Variants in COBLL1 observed in about 807,000 individuals in gnomAD.
COBLL1 encodes the protein cordon-bleu WH2 repeat protein like 1, also known as cordon-bleu protein-like 1.
COBLL1 carries 50 observed loss-of-function variants against 94.8 expected under a neutral mutation model. The ratio of observed to expected loss-of-function variants is 0.53; its 90% CI spans 0.42 to 0.67. The LOEUF (loss-of-function observed/expected upper bound fraction) is 0.67. COBLL1 is among the 30% of genes least tolerant of loss of function. COBLL1 has a pLI of 0.00. For missense variants in COBLL1, 1,362 were observed against 1,348.7 expected (o/e 1.01, Z -0.15); for synonymous variants, 448 against 473.8 (o/e 0.95, Z 0.71).
intron 3 of COBLL1, among the ~76,000 whole-genome samples, chr2:164,737,236 A>AG (rs1686354015): frequency 1.3e-5 from 2 of 152,250 alleles, no homozygotes; most frequent in South Asian, 4.1e-4. Context: ...TGTAGACGCC[A>AG]GGAAAGCAAA....
chr2:164,677,433 A>C (rs1486467859), downstream of COBLL1, among the ~76,000 whole-genome samples: 1 of 152,176 alleles, frequency 6.6e-6, no homozygotes, highest in Non-Finnish European at 1.5e-5. Context: ...GTAATTGAGG[A>C]AAGTTTAAAA....
chr2:164,749,331 G>A (rs1432073839), intron 2 of COBLL1, among the ~76,000 whole-genome samples: 2 of 152,122 alleles, frequency 1.3e-5, no homozygotes, highest in Non-Finnish European at 2.9e-5. Context: ...AAAAATATGA[G>A]TGAATTCTCA....
At chr2:164,676,033 T>C (rs1382060932), downstream of COBLL1, among the ~76,000 whole-genome samples, 1 of 152,084 alleles carries the variant, frequency 6.6e-6, no homozygotes, top group Non-Finnish European at 1.5e-5. Context: ...ATAAATAGAG[T>C]ACAGGGATTA....
intron 2 of COBLL1, among the ~76,000 whole-genome samples, chr2:164,747,524 C>G (rs1275436975): frequency 6.6e-6 from 1 of 152,120 alleles, no homozygotes; most frequent in Admixed American, 6.5e-5. Flanking sequence ...GGCTCTGTCA[C>G]CTAGGCTGGA....
chr2:164,668,434 CAA>C (rs1017958962), intron 1 of COBLL1, among the ~76,000 whole-genome samples: 16 of 152,140 alleles, frequency 1.1e-4, no homozygotes, highest in East Asian at 5.8e-4. Flanking sequence ...CCTGAGGAGA[CAA>C]GAGAGATGGG....
intron 2 of COBLL1, among the ~76,000 whole-genome samples, chr2:164,781,810 T>A (rs1688735652): frequency 2.0e-5 from 3 of 152,254 alleles, no homozygotes; most frequent in Admixed American, 2.0e-4. Flanking sequence ...AGAAACCACA[T>A]ACACAGAGAA....
chr2:164,841,683 C>T lies in COBLL1; in HGVS notation c.-51+27G>A. On this transcript the variant is annotated intron_variant, in intron 1 of 13. Transcript: ENST00000652658. This position sits in a 1 kb window ranked among gnomAD's most constrained non-coding sequence, Gnocchi z 5.5. ...CCGAAGAGAAGTTGGGAGGGCTGATCTCTCTTTTCCCACCCAAGGCTCCTA... is the reference window on the plus strand; with the variant it reads ...CCGAAGAGAAGTTGGGAGGGCTGATTTCTCTTTTCCCACCCAAGGCTCCTA... The T allele has an allele frequency of 2.5e-6, 1 of 406,786 alleles. No homozygotes were observed. Among genetic ancestry groups the T allele is most frequent in the Non-Finnish European group, 4.3e-6 (1 of 230,376 alleles). 25.2% of individuals were successfully genotyped at this position (406,786 alleles called of 1,614,324 possible).
intron 2 of COBLL1, among the ~76,000 whole-genome samples, chr2:164,776,771 T>C (rs1176602914): frequency 6.6e-6 from 1 of 152,104 alleles, no homozygotes; most frequent in African/African-American, 2.4e-5. Context: ...CTTTTTAATT[T>C]GATCACTTAA....
At chr2:164,790,920 C>A (rs955930701) in intron 2 of COBLL1, among the ~76,000 whole-genome samples, 4 of 152,130 alleles carry the variant, frequency 2.6e-5, no homozygotes, top group Admixed American at 2.0e-4. Flanking sequence ...AAGAACAATC[C>A]GTTGCACACT....
chr2:164,723,101 T>C (rs1463500290), intron 5 of COBLL1: 2 of 152,226 alleles, frequency 1.3e-5, no homozygotes, highest in Non-Finnish European at 2.9e-5. Flanking sequence ...ATTGCCACCA[T>C]TGGCAATGAG....
At chr2:164,818,046 C>T (rs574176280) in intron 2 of COBLL1, among the ~76,000 whole-genome samples, 219 of 151,776 alleles carry the variant, frequency 1.4e-3, no homozygotes, top group African/African-American at 5.1e-3. Context: ...AGATATCAAT[C>T]CTTATTCCAC....
At chr2:164,799,482 C>G (rs1683650398) in intron 2 of COBLL1, among the ~76,000 whole-genome samples, 1 of 152,160 alleles carries the variant, frequency 6.6e-6, no homozygotes, top group Non-Finnish European at 1.5e-5. Flanking sequence ...AATTCAGAGG[C>G]ATATCCTGTT....
intron 11 of COBLL1, chr2:164,697,098 T>C (rs1683989823): frequency 6.6e-6 from 1 of 152,186 alleles, no homozygotes; most frequent in African/African-American, 2.4e-5. Flanking sequence ...CAGAAAAATA[T>C]CATGTTAGGT....
chr2:164,667,218 G>A (rs115687819), intron 1 of COBLL1, among the ~76,000 whole-genome samples: 4 of 151,990 alleles, frequency 2.6e-5, no homozygotes, highest in South Asian at 4.2e-4. Context: ...TGATGTCAAC[G>A]GTGGGCTTAA....
rs7586626 is a variant in COBLL1 at position 164,659,324 on chromosome 2, A to C, written n.182-5410T>G. ...GGAACTTCCATCAGTATACAAGTTGAGGTCAGGATCAGTTAAGGGAAACAC... is the reference window on the plus strand; with the variant it reads ...GGAACTTCCATCAGTATACAAGTTGCGGTCAGGATCAGTTAAGGGAAACAC... On this transcript the variant is annotated intron_variant and non_coding_transcript_variant, in intron 2 of 2. Transcript: ENST00000495084. Among the ~76,000 whole-genome samples, 818 of 152,306 alleles carry C rather than the reference A, an allele frequency of 5.4e-3. 9 individuals are homozygous for C. Among genetic ancestry groups the C allele is most frequent in the African/African-American group, 0.018 (768 of 41,570 alleles).
In COBLL1 at chr2:164,841,447, G is replaced by C. The variant is rs955046305; in HGVS notation, c.-50-201C>G. The C allele has an allele frequency of 1.4e-5, 16 of 1,150,062 alleles. No individual in the cohort carries two copies. Among genetic ancestry groups the C allele is most frequent in the Non-Finnish European group, 1.7e-5 (16 of 936,306 alleles). The allele number at this position is 1,150,062 out of a possible 1,614,324, so 71.2% of individuals were successfully genotyped here. A position where few individuals can be genotyped will look rare whatever the true frequency, so the allele number is the denominator to read the frequency against. On this transcript the variant is annotated intron_variant, in intron 1 of 13. Transcript: ENST00000652658. This position sits in a 1 kb window ranked among gnomAD's most constrained non-coding sequence, Gnocchi z 5.5. Reference sequence around the variant, plus strand: ...CTACAAGGTCTAGCGGGCGCCCAGAGCACGGCGGAGGAGGCGGTGGCGCTG... The same window carrying C: ...CTACAAGGTCTAGCGGGCGCCCAGACCACGGCGGAGGAGGCGGTGGCGCTG...
chr2:164,802,509 A>G (rs1171051523), intron 2 of COBLL1, among the ~76,000 whole-genome samples: 2 of 149,818 alleles, frequency 1.3e-5, no homozygotes, highest in Non-Finnish European at 3.0e-5. Flanking sequence ...ACAGGATTGA[A>G]GTGAGAGAGG....
rs1684949516 is a variant in COBLL1 at position 164,818,374 on chromosome 2, G to GT, written c.41+22781dup. Among the ~76,000 whole-genome samples the GT allele has an allele frequency of 4.4e-5, 6 of 135,706 alleles. No individual in the cohort carries two copies. The South Asian group carries it at 1.5e-3, about 35-fold the overall frequency. The allele number at this position is 135,706 out of a possible 152,430, so 89.0% of individuals were successfully genotyped here. On this transcript the variant is annotated intron_variant, in intron 2 of 13. Transcript: ENST00000652658. ...TGTGCATATACGTATGTGTACATGCGTATGTGTGCATGTACATATACATGT... is the reference window on the plus strand; with the variant it reads ...TGTGCATATACGTATGTGTACATGCGTTATGTGTGCATGTACATATACATGT...
intron 1 of COBLL1, among the ~76,000 whole-genome samples, chr2:164,671,451 A>C (rs1691240032): frequency 2.0e-5 from 3 of 152,176 alleles, no homozygotes; most frequent in African/African-American, 7.2e-5. Context: ...TGCAAAAACA[A>C]ATAGACTCAT....
Sources: allele counts gnomAD v4.1 joint callset (sites outside exome capture counted in the v4.1 genomes callset), GRCh38; gene constraint gnomAD v4.1.1; non-coding constraint Gnocchi (gnomAD v3.1); transcripts MANE v1.5; gene names NCBI Gene and HGNC (gene_info 2026-07-23, HGNC 2026-07-21).